PAN2: variants seen among roughly 807,000 people sequenced by gnomAD.
PAN2 encodes the protein PAN2-PAN3 deadenylation complex catalytic subunit PAN2.
PAN2 carries 68 observed loss-of-function variants against 133.3 expected under a neutral mutation model. The observed-to-expected ratio is 0.51, with a 90% CI of 0.42 to 0.62. The LOEUF is 0.62. Among genes scored for constraint, PAN2 ranks in the 20% least tolerant of loss-of-function variants. The pLI is 0.00. For synonymous variants in PAN2, 462 were observed against 544.6 expected (o/e 0.85, Z 2.11); for missense variants, 1,042 against 1,500.5 (o/e 0.69, Z 5.05).
chr12:56,327,609 G>T lies in PAN2; in HGVS notation c.674C>A (p.Thr225Asn). 1.2e-6 allele frequency: 2 copies of T among 1,613,518 alleles called. No homozygotes were observed. The highest frequency in any genetic ancestry group is 1.7e-6 in the Non-Finnish European group (2 of 1,179,590). ...SGKVSLRDLR[T>N]FKVEHEFDAF... ...ATCAAACTCATGTTCCACCTTAAAA[G>T]TACGGAGGTCTCTCAGGGAAACCTA... The change falls in exon 6 of 26, where the codon ACT becomes AAT. Residue 225 changes from threonine to asparagine, a missense_variant. By Grantham distance (65) the Thr-to-Asn change is moderately conservative. Coordinates refer to ENST00000440411, the MANE Select transcript of PAN2 (RefSeq NM_014871.6).
Position 56,326,334 on chromosome 12 carries a change from G to T in PAN2, c.1338C>A (p.Pro446=). ...KVGFIGYAPN[P]RTRLRNQIPY... is the part of the protein sequence containing the mutation. ...ACACCTGATTGCGCAGCCTGGTGCG[G>T]GGATTGGGCGCATAGCCAATGAAGC... is the stretch of plus-strand genomic sequence containing the variant. The change falls in exon 8 of 26, where the codon CCC becomes CCA. Residue 446 remains proline (P), a synonymous_variant. Coordinates refer to ENST00000440411, the MANE Select transcript of PAN2 (RefSeq NM_014871.6). 6.2e-7 allele frequency: 1 copy of T among 1,604,368 alleles called. No homozygotes were observed.
At position 56,322,414 on chromosome 12, in the gene PAN2, G is replaced by A. The variant is rs1394959293; in HGVS notation, c.2697+9C>T. 6.2e-7 allele frequency: 1 copy of A among 1,601,332 alleles called. No individual in the cohort carries two copies. The highest frequency in any genetic ancestry group is 8.6e-7 in the Non-Finnish European group (1 of 1,168,606). ...AATGAAAGAAGAAACAGAACATGTT[G>A]CAACTAACCTTATCAATAGGTTCAA... On this transcript the variant is annotated intron_variant, in intron 19 of 25. Transcript: ENST00000440411.
Position 56,328,483 on chromosome 12 carries a change from T to C in PAN2, c.441A>G (p.Ile147Met). 2.5e-6 allele frequency: 4 copies of C among 1,614,102 alleles called. No homozygotes were observed. Among genetic ancestry groups the C allele is most frequent in the African/African-American group, 1.3e-5 (1 of 75,038 alleles). ...GAGAAGCCACTTACAGGTAATCAAA[T>C]ATAATGAGGCCCCCACGGGCCATAT... ...LKYMARGGLIIFDYLLDENED... is the reference protein window; with the variant it reads ...LKYMARGGLIMFDYLLDENED... The change falls in exon 3 of 26, where the codon ATA (isoleucine) becomes ATG (methionine). Residue 147 changes from isoleucine (I) to methionine (M), a missense_variant. This residue lies in a region of PAN2 where 908 missense variants were observed against 1,223.5 expected (regional missense o/e 0.74). Transcript: ENST00000440411.
intron 6 of PAN2, 150 bp from the exon 7 acceptor site, chr12:56,327,109 CCA>C: frequency 1.3e-6 from 1 of 760,754 alleles, no homozygotes. Context: ...CTTCCATAAA[CCA>C]CAGATGGTTC....
chr12:56,326,437 A>G (rs1031679214), intron 7 of PAN2, 28 bp from the exon 8 acceptor site: 7 of 1,559,526 alleles, frequency 4.5e-6, no homozygotes, highest in South Asian at 2.3e-5. Flanking sequence ...TCTAGGACTT[A>G]AAGAGTTGTG....
At chr12:56,323,740 A>G (rs543425995) in intron 14 of PAN2, 67 bp downstream of exon 14, 109 of 1,447,638 alleles carry the variant, frequency 7.5e-5, no homozygotes, top group Non-Finnish European at 9.7e-5. Flanking sequence ...AGCCAGCCCC[A>G]CATGGGATAG....
chr12:56,318,502 C>G (rs1484045541), intron 24 of PAN2, 68 bp from the exon 25 acceptor site: 1 of 1,229,192 alleles, frequency 8.1e-7, no homozygotes, highest in African/African-American at 1.5e-5. Context: ...CTCCCCACTC[C>G]TACCTGACTC....
In PAN2 at chr12:56,319,017, T is replaced by C; in HGVS notation, c.3364+71A>G. On this transcript the variant is annotated intron_variant, in intron 24 of 25. Transcript: ENST00000440411. This position sits in a 1 kb window ranked among gnomAD's most constrained non-coding sequence, Gnocchi z 5.4. ...TCCATCCATGTTGCCGCAAAGAACA[T>C]GATTTCTTTTTTTTTAAATGGCTGC... is the stretch of plus-strand genomic sequence containing the variant. 6.9e-7 allele frequency: 1 copy of C among 1,456,108 alleles called. No homozygotes were observed. Among genetic ancestry groups the C allele is most frequent in the Non-Finnish European group, 9.6e-7 (1 of 1,037,622 alleles). The allele number at this position is 1,456,108 out of a possible 1,614,324, so 90.2% of individuals were successfully genotyped here. A position where few individuals can be genotyped will look rare whatever the true frequency, so the allele number is the denominator to read the frequency against.
chr12:56,333,123 A>C lies in PAN2; in HGVS notation c.-29T>G. ...GACGATGGCAGCTTACACCTGTGTC[A>C]CACCCTCCCTTACCACAGTCCCTTT... On this transcript the variant is annotated 5_prime_UTR_variant, in exon 2 of 26. Transcript: ENST00000440411. 6.2e-7 allele frequency: 1 copy of C among 1,608,070 alleles called. No individual in the cohort carries two copies. The highest frequency in any genetic ancestry group is 8.5e-7 in the Non-Finnish European group (1 of 1,175,994).
At chr12:56,329,329 T>A (rs1875476912) in intron 2 of PAN2, among the ~76,000 whole-genome samples, 2 of 152,054 alleles carry the variant, frequency 1.3e-5, no homozygotes, top group African/African-American at 4.8e-5. Context: ...TTTTTTAAAA[T>A]TTTTATTTAT....
rs1874050060 is a variant in PAN2 at position 56,317,606 on chromosome 12, T to C, written c.*3A>G. 1.9e-6 allele frequency: 3 copies of C among 1,613,176 alleles called. No individual in the cohort carries two copies. The highest frequency in any genetic ancestry group is 2.5e-6 in the Non-Finnish European group (3 of 1,179,434). ...GAGGGCCGTGGTTCTTTGGGAAGGG[T>C]AGTCAGAGCGCCAGCACTGAGGAGA... On this transcript the variant is annotated 3_prime_UTR_variant, in exon 26 of 26. Coordinates refer to ENST00000440411, the MANE Select transcript of PAN2 (RefSeq NM_014871.6).
chr12:56,323,786 C>T, intron 14 of PAN2, 21 bp downstream of exon 14: 1 of 1,540,980 alleles, frequency 6.5e-7, no homozygotes, highest in Non-Finnish European at 9.0e-7. Context: ...GGACTCTAGT[C>T]CAGTCCAACA....
At position 56,322,599 on chromosome 12, in the gene PAN2, C is replaced by G. The variant is rs768446604; in HGVS notation, c.2637+16G>C. The G allele has an allele frequency of 1.2e-6, 2 of 1,614,090 alleles. No individual in the cohort carries two copies. The highest frequency in any genetic ancestry group is 3.3e-5 in the Admixed American group (2 of 60,030). ...GCCATCCCAGGAGTGTTCCTGCCCTCTACAACCTCACTCACCTCCTTGCGC... is the reference window on the plus strand; with the variant it reads ...GCCATCCCAGGAGTGTTCCTGCCCTGTACAACCTCACTCACCTCCTTGCGC... On this transcript the variant is annotated intron_variant, in intron 18 of 25. Coordinates refer to ENST00000440411, the MANE Select transcript of PAN2 (RefSeq NM_014871.6).
chr12:56,321,079 A>G (rs962253208), intron 20 of PAN2, among the ~76,000 whole-genome samples: 32 of 150,904 alleles, frequency 2.1e-4, no homozygotes, highest in Non-Finnish European at 4.6e-4. Context: ...AAAAAAAAAA[A>G]GCAGTCTCAT....
chr12:56,324,048 C>T lies in PAN2; in HGVS notation c.2065+1G>A, dbSNP rs1874856060. On this transcript the variant is annotated splice_donor_variant, in intron 13 of 25. Coordinates refer to ENST00000440411, the MANE Select transcript of PAN2 (RefSeq NM_014871.6). LOFTEE classifies it high-confidence loss of function. ...GCTGAAGGGTATACCACTTTTGCTA[C>T]CATCAGGGTAGGAGAGTGTGAAAAG... 6.2e-7 allele frequency: 1 copy of T among 1,614,176 alleles called. No individual in the cohort carries two copies. The highest frequency in any genetic ancestry group is 1.3e-5 in the African/African-American group (1 of 75,058).
chr12:56,331,886 T>G (rs566610516), intron 2 of PAN2, among the ~76,000 whole-genome samples: 5 of 152,138 alleles, frequency 3.3e-5, no homozygotes, highest in African/African-American at 9.6e-5. Context: ...GCTAATTTTT[T>G]GCATTTTTAG....
chr12:56,324,779 T>C, intron 10 of PAN2, 70 bp from the exon 11 acceptor site: 3 of 1,545,272 alleles, frequency 1.9e-6, no homozygotes, highest in Non-Finnish European at 2.6e-6. Context: ...GGAGGTTAAG[T>C]GAGCTGGTGG....
intron 1 of PAN2, chr12:56,333,567 C>T (rs1275153298): frequency 6.2e-6 from 1 of 160,264 alleles, no homozygotes; most frequent in Non-Finnish European, 1.4e-5. Context: ...AAGGTGCTTT[C>T]TCCCAGAATT....
chr12:56,318,462 G>A (rs1040649400), intron 24 of PAN2, 28 bp from the exon 25 acceptor site: 5 of 1,585,656 alleles, frequency 3.2e-6, no homozygotes, highest in Non-Finnish European at 1.7e-6. Context: ...GGAATAGTTT[G>A]GGACCCAGCA....
Sources: gnomAD v4.1 joint callset for allele counts (sites outside exome capture counted in the v4.1 genomes callset) on GRCh38, gnomAD v4.1.1 for gene constraint, gnomAD v4.1.1 regional missense constraint, Gnocchi (gnomAD v3.1) non-coding constraint, MANE v1.5 for transcripts, NCBI Gene and HGNC (gene_info 2026-07-23, HGNC 2026-07-21) for gene names.